WDR12: variants seen among roughly 807,000 people sequenced by gnomAD.
The protein encoded by WDR12 is WD repeat domain 12.
Under a neutral mutation model 64.3 loss-of-function variants are expected in WDR12, and 42 were observed. That is an observed-to-expected ratio of 0.65 (90% CI 0.51 to 0.84). WDR12 has a LOEUF of 0.84. Ranked by LOEUF, WDR12 falls within the 40% of genes least tolerant of loss-of-function variation. The pLI is 0.00. For missense variants in WDR12, 469 were observed against 494.6 expected (o/e 0.95, Z 0.49); for synonymous variants, 158 against 173.3 (o/e 0.91, Z 0.70).
rs1331823793 is a variant in WDR12 at position 202,880,459 on chromosome 2, A to C, written c.*401T>G. 6.5e-6 allele frequency: 1 copy of C among 153,666 alleles called. No individual in the cohort carries two copies. The highest frequency in any genetic ancestry group is 1.4e-5 in the Non-Finnish European group (1 of 69,250). 9.5% of individuals were successfully genotyped at this position (153,666 alleles called of 1,614,324 possible). A position where few individuals can be genotyped will look rare whatever the true frequency, so the allele number is the denominator to read the frequency against. ...GCTACTTGGGAGGTTGAGACAGGAG[A>C]ATCGATTGAACCTAGGAAGCGGAGG... On this transcript the variant is annotated 3_prime_UTR_variant, in exon 13 of 13. Coordinates refer to ENST00000261015, the MANE Select transcript of WDR12 (RefSeq NM_018256.4).
chr2:202,895,187 C>G (rs948781716), intron 6 of WDR12, among the ~76,000 whole-genome samples: 1 of 152,210 alleles, frequency 6.6e-6, no homozygotes, highest in African/African-American at 2.4e-5. Context: ...AAGAAACACT[C>G]TTAAGTCCAG....
At chr2:202,896,301 A>G (rs1362010580) in intron 5 of WDR12, 82 bp from the exon 6 acceptor site, 2 of 1,426,420 alleles carry the variant, frequency 1.4e-6, no homozygotes, top group Non-Finnish European at 1.9e-6. Flanking sequence ...AAAGAACTAA[A>G]TTTTTTTGTT....
intron 6 of WDR12, among the ~76,000 whole-genome samples, chr2:202,895,689 ATTT>A (rs56005993): frequency 3.6e-4 from 43 of 119,214 alleles, no homozygotes; most frequent in Admixed American, 8.6e-4. Flanking sequence ...TGCCCGGCTT[ATTT>A]TTTTTTTTTT....
Position 202,884,409 on chromosome 2 carries a change from G to A in WDR12, c.868C>T (p.Leu290Phe). 7 of 1,614,052 alleles carry A rather than the reference G, an allele frequency of 4.3e-6. No individual in the cohort carries two copies. In the South Asian group the frequency reaches 7.7e-5, roughly 18 times the overall value. ...ATTTGTCTTACCAAAGTTGACTTAAGACTGCCAGACTCAACATCCCACACT... is the reference window on the plus strand; with the variant it reads ...ATTTGTCTTACCAAAGTTGACTTAAAACTGCCAGACTCAACATCCCACACT... ...IRVWDVESGS[L>F]KSTLTGNKVF... Residue 290 changes from leucine to phenylalanine, a missense_variant, in exon 9 of 13, where the codon CTT becomes TTT. By Grantham distance (22) the Leu-to-Phe change is conservative. Transcript: ENST00000261015.
At chr2:202,892,748 T>C (rs764405962) in intron 7 of WDR12, 46 bp from the exon 8 acceptor site, 2 of 1,364,402 alleles carry the variant, frequency 1.5e-6, no homozygotes, top group Admixed American at 3.5e-5. Flanking sequence ...ACAGTATTAA[T>C]CGTGAACTGT....
intron 7 of WDR12, among the ~76,000 whole-genome samples, chr2:202,893,151 T>G (rs985425400): frequency 2.6e-5 from 4 of 152,120 alleles, no homozygotes; most frequent in Non-Finnish European, 4.4e-5. Flanking sequence ...TGTTTCTGGT[T>G]TTTTTGAGTT....
chr2:202,886,724 G>A (rs1274994309), intron 8 of WDR12, among the ~76,000 whole-genome samples: 1 of 133,388 alleles, frequency 7.5e-6, no homozygotes, highest in Non-Finnish European at 1.5e-5. Context: ...CCGAGATTGC[G>A]CCACTGCACT....
At chr2:202,885,251 T>C (rs1688025464) in intron 8 of WDR12, among the ~76,000 whole-genome samples, 1 of 152,224 alleles carries the variant, frequency 6.6e-6, no homozygotes, top group Admixed American at 6.5e-5. Flanking sequence ...CAATGGATCC[T>C]CGGCTTCTGT....
intron 8 of WDR12, among the ~76,000 whole-genome samples, chr2:202,892,047 G>A (rs936674261): frequency 6.6e-6 from 1 of 152,176 alleles, no homozygotes; most frequent in Non-Finnish European, 1.5e-5. Context: ...ATTACACAAT[G>A]TTTATGTGTA....
At chr2:202,910,712 G>C (rs1688582075) in intron 1 of WDR12, among the ~76,000 whole-genome samples, 3 of 152,078 alleles carry the variant, frequency 2.0e-5, no homozygotes. Flanking sequence ...TTGATAATAC[G>C]ATTTATGTAT....
At chr2:202,900,095 C>T (rs1182981490) in intron 3 of WDR12, among the ~76,000 whole-genome samples, 2 of 152,058 alleles carry the variant, frequency 1.3e-5, no homozygotes, top group South Asian at 2.1e-4. Flanking sequence ...TTTGGGAGGC[C>T]GAGACGGGTG....
At chr2:202,902,136 A>G (rs1688359047) in intron 2 of WDR12, among the ~76,000 whole-genome samples, 1 of 152,180 alleles carries the variant, frequency 6.6e-6, no homozygotes, top group African/African-American at 2.4e-5. Flanking sequence ...TGTTCGGTCT[A>G]TATGTTTAGA....
At chr2:202,883,581 T>C in intron 11 of WDR12, 28 bp downstream of exon 11, 3 of 1,601,412 alleles carry the variant, frequency 1.9e-6, no homozygotes, top group Non-Finnish European at 2.6e-6. Context: ...TTGATATGTT[T>C]CTCTTATAGA....
In WDR12 at chr2:202,911,663, T is replaced by C. The variant is rs1688665226; in HGVS notation, c.-187A>G. Reference sequence around the variant, plus strand: ...GTCTCCTCTGCAGAAAGCACGAGGTTGCCCTTCTACAGACGCCCAGACCAC... The same window carrying C: ...GTCTCCTCTGCAGAAAGCACGAGGTCGCCCTTCTACAGACGCCCAGACCAC... On this transcript the variant is annotated 5_prime_UTR_variant, in exon 1 of 13. Coordinates refer to ENST00000261015, the MANE Select transcript of WDR12 (RefSeq NM_018256.4). The C allele has an allele frequency of 6.5e-6, 4 of 619,090 alleles. No individual in the cohort carries two copies. In the South Asian group the frequency reaches 7.6e-5, roughly 12 times the overall value. 38.3% of individuals were successfully genotyped at this position (619,090 alleles called of 1,614,324 possible).
chr2:202,905,467 C>T (rs561498609), intron 2 of WDR12, among the ~76,000 whole-genome samples: 36 of 152,258 alleles, frequency 2.4e-4, no homozygotes, highest in African/African-American at 7.0e-4. Flanking sequence ...CTGAAAGTCA[C>T]GCCATAAAAA....
intron 4 of WDR12, 54 bp downstream of exon 4, chr2:202,899,477 T>G: frequency 1.4e-6 from 2 of 1,472,534 alleles, no homozygotes; most frequent in Non-Finnish European, 1.9e-6. Flanking sequence ...TTAAAAAGAC[T>G]GAAGGAGGTA....
At chr2:202,892,215 G>A (rs1001626819) in intron 8 of WDR12, among the ~76,000 whole-genome samples, 1 of 152,160 alleles carries the variant, frequency 6.6e-6, no homozygotes, top group African/African-American at 2.4e-5. Flanking sequence ...GGTTTCTAGT[G>A]ATTTAGAAGA....
chr2:202,908,181 G>A (rs17637266), intron 1 of WDR12, among the ~76,000 whole-genome samples: 9,522 of 152,204 alleles, frequency 0.063, 387 homozygotes, highest in East Asian at 0.091. Flanking sequence ...AATGCCATTA[G>A]GTGACATGTA....
chr2:202,890,015 C>T (rs114245415), intron 8 of WDR12, among the ~76,000 whole-genome samples: 9,005 of 151,634 alleles, frequency 0.059, 513 homozygotes, highest in African/African-American at 0.14. Context: ...TCACTTGAGC[C>T]CAGGAGTTCA....
Sources: gnomAD v4.1 joint callset for allele counts (sites outside exome capture counted in the v4.1 genomes callset) on GRCh38, gnomAD v4.1.1 for gene constraint, MANE v1.5 for transcripts, NCBI Gene and HGNC (gene_info 2026-07-23, HGNC 2026-07-21) for gene names.